IQGAP2: variants seen among roughly 807,000 people sequenced by gnomAD.
IQGAP2 encodes the protein ras GTPase-activating-like protein IQGAP2.
Under a neutral mutation model 201.3 loss-of-function variants are expected in IQGAP2, and 173 were observed. That is an observed-to-expected ratio of 0.86 (90% CI 0.76 to 0.98). The LOEUF is 0.98. Ranked by LOEUF, IQGAP2 falls within the 50% of genes least tolerant of loss-of-function variation. IQGAP2 has a pLI of 0.00. For missense variants in IQGAP2, 1,687 were observed against 1,864.8 expected (o/e 0.90, Z 1.76); for synonymous variants, 675 against 673.9 (o/e 1.00, Z -0.03).
chr5:76,627,884 T>C (rs2455224), intron 14 of IQGAP2, among the ~76,000 whole-genome samples: 84,866 of 152,036 alleles, frequency 0.56, 23,769 homozygotes, highest in South Asian at 0.61. Flanking sequence ...ATAGGAGACC[T>C]ATGGAGTTGG....
In IQGAP2 at chr5:76,673,534, A is replaced by G. The variant is rs1744537339; in HGVS notation, c.3154A>G (p.Arg1052Gly). ...NKLEASIENL[R>G]RVTDKVLNSI... Reference sequence around the variant, plus strand: ...ACTGGAGGCTTCCATTGAGAACCTGAGAAGGGTCACCGACAAAGTCCTGAA... The same window carrying G: ...ACTGGAGGCTTCCATTGAGAACCTGGGAAGGGTCACCGACAAAGTCCTGAA... Residue 1052 changes from arginine to glycine, a missense_variant, in exon 25 of 36, where the codon AGA becomes GGA. Physicochemically the swap from Arg to Gly is moderately radical, Grantham distance 125 (BLOSUM62 -2). Transcript: ENST00000274364. 1 of 1,613,964 alleles carries G rather than the reference A, an allele frequency of 6.2e-7. No homozygotes were observed. The highest frequency in any genetic ancestry group is 1.3e-5 in the African/African-American group (1 of 74,924).
intron 13 of IQGAP2, among the ~76,000 whole-genome samples, chr5:76,614,150 TAGGC>T: frequency 6.6e-6 from 1 of 152,248 alleles, no homozygotes; most frequent in East Asian, 1.9e-4. Flanking sequence ...AGGCCTTTCA[TAGGC>T]AGGCAGTATA....
At chr5:76,663,780 A>C (rs1317110069) in intron 21 of IQGAP2, among the ~76,000 whole-genome samples, 1 of 151,864 alleles carries the variant, frequency 6.6e-6, no homozygotes, top group Non-Finnish European at 1.5e-5. Context: ...CCATCCTCCC[A>C]TGTTGGCCTC....
intron 30 of IQGAP2, among the ~76,000 whole-genome samples, chr5:76,686,877 C>A (rs1745824886): frequency 6.6e-6 from 1 of 152,180 alleles, no homozygotes; most frequent in African/African-American, 2.4e-5. Context: ...ACTATTCTTT[C>A]TTCATAGAAT....
intron 22 of IQGAP2, 81 bp from the exon 23 acceptor site, chr5:76,668,600 A>G (rs372961646): frequency 3.3e-5 from 37 of 1,127,566 alleles, no homozygotes; most frequent in East Asian, 2.7e-4. Flanking sequence ...AGGGAATCAG[A>G]TACTGCTTTG....
chr5:76,532,348 TGAAAAA>T (rs1486095860), intron 2 of IQGAP2, among the ~76,000 whole-genome samples: 1 of 151,958 alleles, frequency 6.6e-6, no homozygotes, highest in Non-Finnish European at 1.5e-5. Flanking sequence ...CATTATAAGA[TGAAAAA>T]GAAAAAAAAC....
At chr5:76,638,963 T>C (rs911072651) in intron 16 of IQGAP2, among the ~76,000 whole-genome samples, 3 of 152,178 alleles carry the variant, frequency 2.0e-5, no homozygotes, top group Non-Finnish European at 4.4e-5. Context: ...TCAACCCTTG[T>C]AGCAAGATGT....
intron 2 of IQGAP2, among the ~76,000 whole-genome samples, chr5:76,543,237 C>G (rs1742891656): frequency 2.0e-5 from 3 of 152,298 alleles, no homozygotes; most frequent in Admixed American, 6.5e-5. Context: ...TCCTGAAACT[C>G]AAGAACGCCA....
At chr5:76,450,543 C>G (rs1753675232) in intron 1 of IQGAP2, among the ~76,000 whole-genome samples, 1 of 152,088 alleles carries the variant, frequency 6.6e-6, no homozygotes, top group African/African-American at 2.4e-5. Context: ...ATATTTGTCC[C>G]ATCTATCTGA....
intron 5 of IQGAP2, among the ~76,000 whole-genome samples, chr5:76,580,608 T>C (rs956423544): frequency 6.6e-6 from 1 of 152,242 alleles, no homozygotes; most frequent in African/African-American, 2.4e-5. Context: ...ATTATTCTCT[T>C]GATTATTGTT....
intron 31 of IQGAP2, among the ~76,000 whole-genome samples, chr5:76,694,961 G>T (rs1439162820): frequency 6.6e-6 from 1 of 152,182 alleles, no homozygotes; most frequent in African/African-American, 2.4e-5. Context: ...CAGAGTTGCT[G>T]GTTTGTGATT....
intron 1 of IQGAP2, among the ~76,000 whole-genome samples, chr5:76,428,440 T>TC (rs1463101545): frequency 2.0e-5 from 3 of 148,926 alleles, no homozygotes; most frequent in East Asian, 3.9e-4. Context: ...CTTTTTTCTT[T>TC]TTTTTTTTTT....
In IQGAP2 at chr5:76,693,403, A is replaced by T; in HGVS notation, c.3954A>T (p.Thr1318=). The change falls in exon 31 of 36, where the codon ACA becomes ACT. Residue 1318 remains threonine, a synonymous_variant. Coordinates refer to ENST00000274364, the MANE Select transcript of IQGAP2 (RefSeq NM_006633.5). ...TGATCCGGAACCAGCCAGGGAACAC[A>T]TTGACAGAAATCTTAGAGACACCAG... ...IDVIRNQPGN[T]LTEILETPAT... 1 of 1,613,938 alleles carries T rather than the reference A, an allele frequency of 6.2e-7. No individual in the cohort carries two copies. Among genetic ancestry groups the T allele is most frequent in the Non-Finnish European group, 8.5e-7 (1 of 1,179,834 alleles).
At chr5:76,631,577 T>C (rs1198546340) in intron 14 of IQGAP2, among the ~76,000 whole-genome samples, 9 of 152,184 alleles carry the variant, frequency 5.9e-5, no homozygotes, top group Non-Finnish European at 1.2e-4. Context: ...CCCCATTTCA[T>C]AGATTACTAC....
chr5:76,614,956 G>A (rs555475701), intron 13 of IQGAP2, among the ~76,000 whole-genome samples: 20 of 152,338 alleles, frequency 1.3e-4, no homozygotes, highest in Admixed American at 1.1e-3. Flanking sequence ...GCCCAGTTTT[G>A]TCAAAGGTGG....
chr5:76,426,780 G>A (rs973089269), intron 1 of IQGAP2, among the ~76,000 whole-genome samples: 4 of 152,152 alleles, frequency 2.6e-5, no homozygotes, highest in Non-Finnish European at 5.9e-5. Context: ...TGCTGCATGG[G>A]TAATGAGGAA....
At chr5:76,630,074 A>G (rs111970511) in intron 14 of IQGAP2, among the ~76,000 whole-genome samples, 5 of 152,328 alleles carry the variant, frequency 3.3e-5, no homozygotes, top group South Asian at 2.1e-4. Flanking sequence ...TTATCTTGGT[A>G]GTTTCTTTTC....
intron 21 of IQGAP2, among the ~76,000 whole-genome samples, chr5:76,659,716 A>T (rs1743088453): frequency 6.6e-6 from 1 of 152,140 alleles, no homozygotes; most frequent in Non-Finnish European, 1.5e-5. Context: ...CATCCCACAA[A>T]TTGCCAGATC....
intron 1 of IQGAP2, among the ~76,000 whole-genome samples, chr5:76,453,566 T>A (rs923798910): frequency 6.6e-6 from 1 of 152,208 alleles, no homozygotes; most frequent in Non-Finnish European, 1.5e-5. Flanking sequence ...TTTTACTATT[T>A]GGGGTGGTTT....
Sources: gnomAD v4.1 joint callset for allele counts (sites outside exome capture counted in the v4.1 genomes callset) on GRCh38, gnomAD v4.1.1 for gene constraint, MANE v1.5 for transcripts, NCBI Gene and HGNC (gene_info 2026-07-23, HGNC 2026-07-21) for gene names.